Variants in CYB5R3 observed in about 807,000 individuals in gnomAD.
The protein encoded by CYB5R3 is NADH-cytochrome b5 reductase 3.
CYB5R3 carries 28 observed loss-of-function variants against 36.5 expected under a neutral mutation model. That is an observed-to-expected ratio of 0.77 (90% CI 0.57 to 1.05). The LOEUF is 1.05. Ranked by LOEUF, CYB5R3 falls within the 50% of genes least tolerant of loss-of-function variation. CYB5R3 has a pLI of 0.00. For missense variants in CYB5R3, 474 were observed against 408.9 expected (o/e 1.16, Z -1.37); for synonymous variants, 181 against 159.8 (o/e 1.13, Z -1.00).
chr22:42,627,737 G>A, intron 5 of CYB5R3, 49 bp from the exon 6 acceptor site: 2 of 1,408,346 alleles, frequency 1.4e-6, no homozygotes, highest in Non-Finnish European at 2.0e-6. Flanking sequence ...TGCCATGTGT[G>A]GTGGCTGGAG....
chr22:42,637,287 GACAA>G (rs1324833037), intron 1 of CYB5R3, among the ~76,000 whole-genome samples: 3 of 152,134 alleles, frequency 2.0e-5, no homozygotes, highest in Non-Finnish European at 4.4e-5. Context: ...GCTTGATTTA[GACAA>G]ACAGACAAAT....
chr22:42,621,005 G>T (rs1052069724), intron 8 of CYB5R3, among the ~76,000 whole-genome samples: 1 of 152,134 alleles, frequency 6.6e-6, no homozygotes, highest in South Asian at 2.1e-4. Flanking sequence ...ATGAGTCTTT[G>T]TAAGCCTCCT....
intron 7 of CYB5R3, among the ~76,000 whole-genome samples, chr22:42,624,100 C>T (rs193008463): frequency 1.3e-5 from 2 of 152,344 alleles, no homozygotes; most frequent in East Asian, 1.9e-4. Flanking sequence ...GGGGCGAAGG[C>T]GTTCGCTAGA....
intron 1 of CYB5R3, chr22:42,640,154 G>A: frequency 6.2e-7 from 1 of 1,613,416 alleles, no homozygotes; most frequent in Non-Finnish European, 8.5e-7. Flanking sequence ...GCAGGGGTGG[G>A]AGGAACCAGC....
Position 42,627,290 on chromosome 22 carries a change from G to A in CYB5R3, c.633+14C>T. On this transcript the variant is annotated intron_variant, in intron 7 of 8. Transcript: ENST00000352397. Reference sequence around the variant, plus strand: ...GGTAAGCTGAGTTTCCCCATCATGGGGATGCCCACTGACCTGGTTGGCAAA... The same window carrying A: ...GGTAAGCTGAGTTTCCCCATCATGGAGATGCCCACTGACCTGGTTGGCAAA... 1 of 1,612,224 alleles carries A rather than the reference G, an allele frequency of 6.2e-7. No homozygotes were observed. The highest frequency in any genetic ancestry group is 8.5e-7 in the Non-Finnish European group (1 of 1,178,586).
intron 2 of CYB5R3, among the ~76,000 whole-genome samples, 161 bp downstream of exon 2, chr22:42,636,554 A>G (rs1004999283): frequency 2.0e-5 from 3 of 152,200 alleles, no homozygotes; most frequent in African/African-American, 7.2e-5. Context: ...TTCCTCTGCT[A>G]CTTCCTGGTG....
intron 8 of CYB5R3, among the ~76,000 whole-genome samples, chr22:42,623,024 CCGGACCAGGCAGATGCG>C (rs1928065062): frequency 6.6e-6 from 1 of 152,232 alleles, no homozygotes; most frequent in Admixed American, 6.5e-5. Flanking sequence ...GCTGTGTCCT[CCGGACCAGGCAGATGCG>C]CTCCAATTTA....
intron 8 of CYB5R3, among the ~76,000 whole-genome samples, chr22:42,620,727 C>T (rs773659941): frequency 6.6e-6 from 1 of 152,182 alleles, no homozygotes; most frequent in East Asian, 1.9e-4. Flanking sequence ...AAAGCAGTCC[C>T]GCTTGCCCTG....
In CYB5R3 at chr22:42,636,723, C is replaced by T. The variant is rs144467449; in HGVS notation, c.145G>A (p.Asp49Asn). The change falls in exon 2 of 9, where the codon GAC becomes AAC. Residue 49 changes from aspartate (D) to asparagine (N), a missense_variant. Transcript: ENST00000352397. Reference protein sequence around the residue: ...PDIKYPLRLIDREIISHDTRR... With the variant: ...PDIKYPLRLINREIISHDTRR... ...CGGCGGCCGGCACTCACCTCCCGGT[C>T]GATGAGCCGCAGCGGGTACTTGATG... is the stretch of plus-strand genomic sequence containing the variant. The T allele has an allele frequency of 2.4e-5, 38 of 1,611,988 alleles. No individual in the cohort carries two copies. The highest frequency in any genetic ancestry group is 6.6e-5 in the South Asian group (6 of 90,992).
At position 42,649,364 on chromosome 22, in the gene CYB5R3, G is replaced by A; in HGVS notation, c.-49C>T. On this transcript the variant is annotated 5_prime_UTR_variant, in exon 1 of 9. Coordinates refer to ENST00000352397, the MANE Select transcript of CYB5R3 (RefSeq NM_000398.7). ...CTGTCGCCGCCGCCGCCGCCGCCGAGACCGTCGCGCCCGGGCCCGCGTCAC... is the reference window on the plus strand; with the variant it reads ...CTGTCGCCGCCGCCGCCGCCGCCGAAACCGTCGCGCCCGGGCCCGCGTCAC... The A allele has an allele frequency of 8.1e-6, 6 of 739,234 alleles. No individual in the cohort carries two copies. The highest frequency in any genetic ancestry group is 1.0e-5 in the Non-Finnish European group (6 of 593,754). The allele number at this position is 739,234 out of a possible 1,614,324, so 45.8% of individuals were successfully genotyped here.
chr22:42,647,051 G>C (rs1299768552), intron 1 of CYB5R3: 3 of 855,206 alleles, frequency 3.5e-6, no homozygotes, highest in Non-Finnish European at 4.2e-6. Context: ...GGCCTCCCAT[G>C]GGGCCTGCAT....
intron 4 of CYB5R3, among the ~76,000 whole-genome samples, chr22:42,628,681 C>T (rs1199558815): frequency 2.6e-5 from 4 of 152,222 alleles, no homozygotes; most frequent in Admixed American, 2.0e-4. Flanking sequence ...CAGTCCCTTC[C>T]GTTTTGTGCT....
At chr22:42,631,022 G>T in intron 3 of CYB5R3, 34 bp from the exon 4 acceptor site, 1 of 1,583,778 alleles carries the variant, frequency 6.3e-7, no homozygotes, top group South Asian at 1.1e-5. Flanking sequence ...CTGGGCCAGA[G>T]ATCATCCTGC....
At chr22:42,624,264 G>A (rs541326545) in intron 7 of CYB5R3, among the ~76,000 whole-genome samples, 3 of 152,350 alleles carry the variant, frequency 2.0e-5, no homozygotes, top group East Asian at 1.9e-4. Context: ...GGGTCAGCCC[G>A]GGAGCGGGTG....
At chr22:42,631,147 G>A (rs989999954) in intron 3 of CYB5R3, 159 bp from the exon 4 acceptor site, 18 of 784,668 alleles carry the variant, frequency 2.3e-5, no homozygotes, top group African/African-American at 1.9e-4. Flanking sequence ...TTCCCCTCAC[G>A]TCCCAGCTTC....
intron 1 of CYB5R3, among the ~76,000 whole-genome samples, chr22:42,648,301 G>A (rs1383442415): frequency 1.3e-5 from 2 of 151,822 alleles, no homozygotes; most frequent in African/African-American, 2.4e-5. Flanking sequence ...GGAGGTGGAG[G>A]AGCACTGGGC....
Position 42,649,284 on chromosome 22 carries a change from T to A in CYB5R3, c.21+11A>T. The A allele has an allele frequency of 1.0e-6, 1 of 981,610 alleles. No individual in the cohort carries two copies. Among genetic ancestry groups the A allele is most frequent in the Non-Finnish European group, 1.2e-6 (1 of 817,690 alleles). 60.8% of individuals were successfully genotyped at this position (981,610 alleles called of 1,614,324 possible). A position where few individuals can be genotyped will look rare whatever the true frequency, so the allele number is the denominator to read the frequency against. On this transcript the variant is annotated intron_variant, in intron 1 of 8. Transcript: ENST00000352397. The stretch of plus-strand genomic sequence containing the variant: ...GACGCCCCGCGGCCCCGGCGCCCCC[T>A]CCCCGCCTACCGTGCTGAGCTGGGC...
intron 1 of CYB5R3, among the ~76,000 whole-genome samples, chr22:42,647,287 C>T (rs778889581): frequency 1.6e-4 from 25 of 152,292 alleles, no homozygotes; most frequent in Non-Finnish European, 2.9e-4. Flanking sequence ...GTGCTCTGCC[C>T]CTTACAGAGG....
chr22:42,619,864 A>G lies in CYB5R3; in HGVS notation c.815T>C (p.Leu272Pro), dbSNP rs1312995565. 2 of 1,607,670 alleles carry G rather than the reference A, an allele frequency of 1.2e-6. No individual in the cohort carries two copies. Among genetic ancestry groups the G allele is most frequent in the Admixed American group, 1.7e-5 (1 of 59,152 alleles). Residue 272 changes from leucine (L) to proline (P), a missense_variant, in exon 9 of 9, where the codon CTG (leucine) becomes CCG (proline). Leu to Pro is a moderately conservative substitution (Grantham distance 98). Transcript: ENST00000352397. ...LPPPEEEPLV[L>P]MCGPPPMIQY... ...GATCATGGGTGGGGGGCCACACATC[A>G]GCACCAGCGGCTCCTCCTCTGGGGG...
Sources: gnomAD v4.1 joint callset for allele counts (sites outside exome capture counted in the v4.1 genomes callset) on GRCh38, gnomAD v4.1.1 for gene constraint, MANE v1.5 for transcripts, NCBI Gene and HGNC (gene_info 2026-07-23, HGNC 2026-07-21) for gene names.